CACNA2D3: variants seen among roughly 807,000 people sequenced by gnomAD.
CACNA2D3 encodes the protein calcium voltage-gated channel auxiliary subunit alpha2delta 3.
In CACNA2D3, 60 loss-of-function variants were observed where a neutral mutation model predicts 160.6. The observed-to-expected ratio is 0.37, with a 90% confidence interval of 0.30 to 0.46. The LOEUF (loss-of-function observed/expected upper bound fraction) is 0.46, where lower values mean the gene tolerates loss of function less well. CACNA2D3 is among the 20% of genes least tolerant of loss of function. The pLI, the probability that CACNA2D3 is intolerant of heterozygous loss-of-function variation, is 1.00. For synonymous variants in CACNA2D3, 558 were observed against 492.9 expected (o/e 1.13, Z -1.75); for missense variants, 1,205 against 1,365.0 (o/e 0.88, Z 1.85).
chr3:54,144,440 T>C (rs1394683803), intron 2 of CACNA2D3, among the ~76,000 whole-genome samples: 1 of 152,238 alleles, frequency 6.6e-6, no homozygotes, highest in African/African-American at 2.4e-5. Context: ...TCATCAGCGC[T>C]CTCCATTCTC....
intron 4 of CACNA2D3, among the ~76,000 whole-genome samples, chr3:54,430,960 C>T (rs145444853): frequency 1.5e-3 from 226 of 152,112 alleles, no homozygotes; most frequent in African/African-American, 5.1e-3. Flanking sequence ...CATAAACAGT[C>T]GATTAACACA....
intron 2 of CACNA2D3, among the ~76,000 whole-genome samples, chr3:54,303,828 T>G (rs1232767934): frequency 2.1e-5 from 3 of 146,070 alleles, no homozygotes; most frequent in South Asian, 2.2e-4. Context: ...GTTTTTTTTT[T>G]TTTTTTTTTT....
chr3:55,003,979 C>T (rs1012175553), intron 31 of CACNA2D3, among the ~76,000 whole-genome samples: 1 of 152,132 alleles, frequency 6.6e-6, no homozygotes, highest in African/African-American at 2.4e-5. Context: ...CATATTTTGG[C>T]GTAATGGTTT....
chr3:54,327,989 C>T (rs886796281), intron 3 of CACNA2D3, among the ~76,000 whole-genome samples: 4 of 152,210 alleles, frequency 2.6e-5, no homozygotes, highest in Admixed American at 6.5e-5. Flanking sequence ...TCTTAGTGAA[C>T]ATTGATGGCA....
chr3:54,970,323 T>A (rs918940486), intron 29 of CACNA2D3, among the ~76,000 whole-genome samples: 1 of 152,136 alleles, frequency 6.6e-6, no homozygotes, highest in Non-Finnish European at 1.5e-5. Context: ...TTAAAAACTT[T>A]GAAACTCAAA....
intron 29 of CACNA2D3, 76 bp from the exon 30 acceptor site, chr3:54,984,532 C>A: frequency 1.2e-6 from 1 of 814,096 alleles, no homozygotes; most frequent in African/African-American, 1.8e-5. Context: ...GGAAGTGTGT[C>A]ATTCTGTTTA....
chr3:54,146,638 A>C (rs1203613181), intron 2 of CACNA2D3, among the ~76,000 whole-genome samples: 1 of 152,164 alleles, frequency 6.6e-6, no homozygotes, highest in East Asian at 1.9e-4. Context: ...TGAGCTCCAC[A>C]GAGTTCTCCA....
chr3:54,205,921 G>A (rs1431989283), intron 2 of CACNA2D3, among the ~76,000 whole-genome samples: 1 of 152,158 alleles, frequency 6.6e-6, no homozygotes, highest in East Asian at 1.9e-4. Flanking sequence ...AAAATTGTAA[G>A]TACGCTCATG....
intron 4 of CACNA2D3, among the ~76,000 whole-genome samples, chr3:54,485,851 C>G (rs1015367965): frequency 2.6e-5 from 4 of 152,106 alleles, no homozygotes; most frequent in Non-Finnish European, 5.9e-5. Context: ...GGTCTGAGTG[C>G]CCGGCCAATA....
chr3:54,658,688 A>T (rs962040926), intron 11 of CACNA2D3, among the ~76,000 whole-genome samples: 2 of 152,230 alleles, frequency 1.3e-5, no homozygotes, highest in African/African-American at 4.8e-5. Context: ...CTGCACAGCA[A>T]CGGATACAAT....
intron 27 of CACNA2D3, among the ~76,000 whole-genome samples, chr3:54,933,891 C>T (rs1258461278): frequency 1.3e-5 from 2 of 151,946 alleles, no homozygotes; most frequent in African/African-American, 4.8e-5. Flanking sequence ...GCCTCAGCCT[C>T]CGGAGTAGCT....
At chr3:54,626,643 C>A in intron 9 of CACNA2D3, 1 of 936,762 alleles carries the variant, frequency 1.1e-6, no homozygotes, top group Non-Finnish European at 1.7e-6. Context: ...TCATCCCTCT[C>A]AAGCAGTGGC....
intron 11 of CACNA2D3, among the ~76,000 whole-genome samples, chr3:54,694,803 A>G (rs576531083): frequency 1.4e-3 from 219 of 152,198 alleles, no homozygotes; most frequent in African/African-American, 5.0e-3. Context: ...TACCTTTGTT[A>G]TATTCTTTTT....
intron 30 of CACNA2D3, among the ~76,000 whole-genome samples, chr3:54,986,382 T>A (rs1190847337): frequency 6.6e-6 from 1 of 152,170 alleles, no homozygotes; most frequent in Non-Finnish European, 1.5e-5. Flanking sequence ...ATTAGGATAA[T>A]TCTTCATCTA....
At chr3:54,740,161 G>C (rs999079587) in intron 11 of CACNA2D3, among the ~76,000 whole-genome samples, 2 of 152,070 alleles carry the variant, frequency 1.3e-5, no homozygotes, top group Non-Finnish European at 2.9e-5. Context: ...AGTCTCCGAT[G>C]GGGTATTTGA....
At chr3:54,709,522 G>T (rs1016280243) in intron 11 of CACNA2D3, among the ~76,000 whole-genome samples, 2 of 151,890 alleles carry the variant, frequency 1.3e-5, no homozygotes, top group Non-Finnish European at 2.9e-5. Flanking sequence ...CACCATGCTG[G>T]GCTAATTTTT....
intron 3 of CACNA2D3, among the ~76,000 whole-genome samples, chr3:54,329,527 C>T (rs1057250149): frequency 1.3e-5 from 2 of 152,220 alleles, no homozygotes; most frequent in Non-Finnish European, 2.9e-5. Context: ...ATGAACCTGA[C>T]ACAGCAATGT....
chr3:54,315,748 G>A (rs761347652), intron 2 of CACNA2D3, among the ~76,000 whole-genome samples: 20 of 151,822 alleles, frequency 1.3e-4, no homozygotes, highest in Non-Finnish European at 1.5e-4. Context: ...TGTGATACAC[G>A]TGAAAAGCTT....
chr3:54,547,831 T>C (rs1309634568), intron 5 of CACNA2D3, among the ~76,000 whole-genome samples: 1 of 151,892 alleles, frequency 6.6e-6, no homozygotes, highest in Non-Finnish European at 1.5e-5. Flanking sequence ...ACTACAGGGA[T>C]CCACCACTGC....
Sources: allele counts gnomAD v4.1 joint callset (sites outside exome capture counted in the v4.1 genomes callset), GRCh38; gene constraint gnomAD v4.1.1; transcripts MANE v1.5; gene names NCBI Gene and HGNC (gene_info 2026-07-23, HGNC 2026-07-21).